Variants in PCDHGA2 observed in about 807,000 individuals in gnomAD.
The protein encoded by PCDHGA2 is protocadherin gamma-A2.
In PCDHGA2, 40 loss-of-function variants were observed where a neutral mutation model predicts 59.2. The ratio of observed to expected loss-of-function variants is 0.68; its 90% CI spans 0.52 to 0.88. PCDHGA2 has a LOEUF of 0.88. Among genes scored for constraint, PCDHGA2 ranks in the 40% least tolerant of loss-of-function variants. The probability of loss-of-function intolerance (pLI) is 0.00; values close to 1 mark genes in which losing one functional copy is unlikely to be tolerated. For missense variants in PCDHGA2, 1,226 were observed against 1,204.0 expected (o/e 1.02, Z -0.27); for synonymous variants, 560 against 526.0 (o/e 1.06, Z -0.89).
intron 1 of PCDHGA2, chr5:141,427,983 C>T (rs1390934748): frequency 1.3e-6 from 2 of 1,596,840 alleles, no homozygotes; most frequent in Admixed American, 1.7e-5. Flanking sequence ...CGCGCTGGGG[C>T]CCGATGGCTC....
chr5:141,352,785 T>A, intron 1 of PCDHGA2: 1 of 1,073,222 alleles, frequency 9.3e-7, no homozygotes, highest in Non-Finnish European at 1.3e-6. Context: ...AGGTCAGGAG[T>A]TTGAGACCAG....
intron 1 of PCDHGA2, chr5:141,407,948 G>T (rs978962452): frequency 7.0e-6 from 4 of 572,054 alleles, no homozygotes; most frequent in Non-Finnish European, 1.1e-5. Flanking sequence ...GCCGCTGTCG[G>T]CCAGTGCAGA....
At chr5:141,423,362 T>G (rs1419859253) in intron 1 of PCDHGA2, 1 of 1,614,112 alleles carries the variant, frequency 6.2e-7, no homozygotes, top group African/African-American at 1.3e-5. Flanking sequence ...GTCATCGTGC[T>G]GCTGGCACTC....
At chr5:141,385,354 G>A (rs1781142945) in intron 1 of PCDHGA2, 1 of 1,550,398 alleles carries the variant, frequency 6.4e-7, no homozygotes, top group South Asian at 1.2e-5. Context: ...ATTTCCATGA[G>A]GAATTTATTT....
At chr5:141,341,619 T>C (rs1757073375) in intron 1 of PCDHGA2, 1 of 876,736 alleles carries the variant, frequency 1.1e-6, no homozygotes, top group East Asian at 2.7e-5. Flanking sequence ...CAGGAGTTAA[T>C]AGATAAGATT....
chr5:141,418,773 A>G, intron 1 of PCDHGA2: 2 of 1,613,904 alleles, frequency 1.2e-6, no homozygotes, highest in Non-Finnish European at 1.7e-6. Flanking sequence ...CTAACTCAGC[A>G]GCCTTTGGAT....
chr5:141,487,258 G>A lies in PCDHGA2; in HGVS notation c.2425-7549G>A, dbSNP rs368598017. The A allele has an allele frequency of 3.7e-6, 6 of 1,614,026 alleles. No homozygotes were observed. Among genetic ancestry groups the A allele is most frequent in the Non-Finnish European group, 4.2e-6 (5 of 1,180,030 alleles). On this transcript the variant is annotated intron_variant, in intron 1 of 3. Transcript: ENST00000394576. The surrounding 1 kb of genome is among the most constrained non-coding windows in gnomAD (Gnocchi z 5.0). ...CTCGTCTAACCCTCTACTTGGCTGT[G>A]TCCCTAGTGGCAATTTGCTTTGTCT...
At chr5:141,345,312 G>A (rs186274609) in intron 1 of PCDHGA2, 857 of 1,613,932 alleles carry the variant, frequency 5.3e-4, no homozygotes, top group Non-Finnish European at 6.6e-4. Context: ...AGCCTCAGAT[G>A]GGGGAAGCCC....
At chr5:141,395,538 T>C (rs1459118809) in intron 1 of PCDHGA2, 1 of 225,772 alleles carries the variant, frequency 4.4e-6, no homozygotes, top group Non-Finnish European at 7.1e-6. Context: ...AATTTTGCTA[T>C]TGTTTGTGTG....
intron 1 of PCDHGA2, chr5:141,372,483 G>C: frequency 1.2e-6 from 2 of 1,614,028 alleles, no homozygotes; most frequent in Non-Finnish European, 1.7e-6. Flanking sequence ...AGTGGCGTTG[G>C]CCTTGATCTC....
chr5:141,355,846 G>T, intron 1 of PCDHGA2: 10 of 1,612,248 alleles, frequency 6.2e-6, no homozygotes, highest in Non-Finnish European at 8.5e-6. Flanking sequence ...CACGGCCTTC[G>T]ATGGAGGTGA....
Position 141,399,689 on chromosome 5 carries a change from T to C in PCDHGA2, c.2424+58294T>C, listed in dbSNP as rs199516491. 502 of 1,613,550 alleles carry C rather than the reference T, an allele frequency of 3.1e-4. 1 individual carries two copies. Among genetic ancestry groups the C allele is most frequent in the Non-Finnish European group, 3.8e-4 (448 of 1,179,874 alleles). On this transcript the variant is annotated intron_variant, in intron 1 of 3. Transcript: ENST00000394576. ...CAGCGCGCCTTTGACTACGAGCAGC[T>C]GCGCACCTTCGAACTCACACTACAG...
At chr5:141,428,154 T>G (rs760002801) in intron 1 of PCDHGA2, 29 of 1,578,806 alleles carry the variant, frequency 1.8e-5, no homozygotes, top group African/African-American at 1.3e-5. Flanking sequence ...CACGGGAACC[T>G]GCTGGTTGCT....
intron 1 of PCDHGA2, chr5:141,366,897 T>C (rs1764856228): frequency 6.6e-6 from 8 of 1,211,018 alleles, no homozygotes; most frequent in Non-Finnish European, 9.0e-6. Context: ...ATATAATTCA[T>C]GCTTTCTCCA....
At chr5:141,466,019 G>C (rs1466918487) in intron 1 of PCDHGA2, among the ~76,000 whole-genome samples, 1 of 152,062 alleles carries the variant, frequency 6.6e-6, no homozygotes, top group African/African-American at 2.4e-5. Flanking sequence ...CTACTCGGGA[G>C]GGTGAGGCAG....
At chr5:141,409,995 C>A (rs777416137) in intron 1 of PCDHGA2, 2 of 1,613,308 alleles carry the variant, frequency 1.2e-6, no homozygotes, top group Admixed American at 3.3e-5. Flanking sequence ...GACGCCGACT[C>A]GGGACACAAC....
intron 1 of PCDHGA2, among the ~76,000 whole-genome samples, chr5:141,473,413 G>A (rs1282997381): frequency 6.6e-6 from 1 of 152,156 alleles, no homozygotes; most frequent in Non-Finnish European, 1.5e-5. Context: ...CTTCTTCAGT[G>A]GGGGAAGCAG....
intron 1 of PCDHGA2, chr5:141,399,518 G>C (rs2093824828): frequency 6.2e-7 from 1 of 1,613,994 alleles, no homozygotes. Flanking sequence ...AACCCTCCTG[G>C]GGCCTCCATC....
At chr5:141,482,862 A>G (rs1169526338) in intron 1 of PCDHGA2, among the ~76,000 whole-genome samples, 1 of 152,180 alleles carries the variant, frequency 6.6e-6, no homozygotes, top group Non-Finnish European at 1.5e-5. Context: ...ACTTGAGGTC[A>G]GGAGTTTGAA....
Sources: allele counts gnomAD v4.1 joint callset (sites outside exome capture counted in the v4.1 genomes callset), GRCh38; gene constraint gnomAD v4.1.1; non-coding constraint Gnocchi (gnomAD v3.1); transcripts MANE v1.5; gene names NCBI Gene and HGNC (gene_info 2026-07-23, HGNC 2026-07-21).